The following NARS1 variants were observed in gnomAD, a reference collection of about 807,000 sequenced individuals.
NARS1 encodes asparagine--tRNA ligase, cytoplasmic.
NARS1 carries 65 observed loss-of-function variants against 79.2 expected under a neutral mutation model. The ratio of observed to expected loss-of-function variants is 0.82; its 90% CI spans 0.67 to 1.01. NARS1 has a LOEUF of 1.01. Ranked by LOEUF, NARS1 falls within the 50% of genes least tolerant of loss-of-function variation. The pLI is 0.00. For synonymous variants in NARS1, 229 were observed against 238.8 expected (o/e 0.96, Z 0.38); for missense variants, 649 against 673.8 (o/e 0.96, Z 0.41).
chr18:57,620,138 T>C (rs1908238608), intron 2 of NARS1, among the ~76,000 whole-genome samples: 1 of 152,148 alleles, frequency 6.6e-6, no homozygotes, highest in South Asian at 2.1e-4. Flanking sequence ...GAGTCAGCTC[T>C]GACAAATGAA....
In NARS1 at chr18:57,609,406, C is replaced by T. The variant is rs760380390; in HGVS notation, c.530G>A (p.Ser177Asn). Residue 177 changes from serine to asparagine, a missense_variant, in exon 7 of 14, where the codon AGC becomes AAC. Coordinates refer to ENST00000256854, the MANE Select transcript of NARS1 (RefSeq NM_004539.4). ...CYNGVLLSTE[S>N]SVAVYGMLNL... Reference sequence around the variant, plus strand: ...TAGCATTCCATACACTGCAACACTGCTCTCCGTGGACAAGAGAACTCCATT... The same window carrying T: ...TAGCATTCCATACACTGCAACACTGTTCTCCGTGGACAAGAGAACTCCATT... 1.2e-6 allele frequency: 2 copies of T among 1,614,006 alleles called. No individual in the cohort carries two copies. Among genetic ancestry groups the T allele is most frequent in the East Asian group, 2.2e-5 (1 of 44,858 alleles).
At chr18:57,606,061 T>C (rs1285736627) in intron 10 of NARS1, 91 bp from the exon 11 acceptor site, 1 of 841,386 alleles carries the variant, frequency 1.2e-6, no homozygotes, top group East Asian at 3.1e-5. Context: ...TATAAAGTAT[T>C]ACTTCAGTGA....
rs1029564481 is a variant in NARS1, at chr18:57,617,703, T to A, written c.94-1728A>T. Among the ~76,000 whole-genome samples the A allele has an allele frequency of 2.0e-5, 3 of 149,436 alleles. 1 individual carries two copies. The highest frequency in any genetic ancestry group is 4.4e-5 in the Non-Finnish European group (3 of 67,612). On this transcript the variant is annotated intron_variant, in intron 2 of 13. Coordinates refer to ENST00000256854, the MANE Select transcript of NARS1 (RefSeq NM_004539.4). ...AGGCCGAGGTGGGCGGATCATGAGG[T>A]CAGGAGTTCGAGACCAGCCTGGCCA... is the stretch of plus-strand genomic sequence containing the variant.
intron 2 of NARS1, among the ~76,000 whole-genome samples, chr18:57,619,403 A>C (rs1255278544): frequency 1.4e-5 from 2 of 146,996 alleles, no homozygotes; most frequent in Admixed American, 1.4e-4. Context: ...TAAGAAGTTA[A>C]ATTTTTTGTA....
intron 2 of NARS1, among the ~76,000 whole-genome samples, chr18:57,618,411 T>C (rs1251156668): frequency 6.6e-6 from 1 of 152,198 alleles, no homozygotes; most frequent in Non-Finnish European, 1.5e-5. Context: ...GATCCCTCCT[T>C]TTGTATCATT....
chr18:57,619,383 A>T (rs1022268158), intron 2 of NARS1, among the ~76,000 whole-genome samples: 1 of 146,094 alleles, frequency 6.8e-6, no homozygotes, highest in African/African-American at 2.5e-5. Context: ...TAAATTTATT[A>T]AAAAATTTTT....
chr18:57,609,661 A>G (rs1248711703), intron 6 of NARS1, among the ~76,000 whole-genome samples: 1 of 152,226 alleles, frequency 6.6e-6, no homozygotes, highest in Non-Finnish European at 1.5e-5. Flanking sequence ...ATATACATAT[A>G]CATGTAAATA....
chr18:57,601,951 T>C (rs1021581003), intron 13 of NARS1, among the ~76,000 whole-genome samples, 168 bp from the exon 14 acceptor site: 1 of 152,180 alleles, frequency 6.6e-6, no homozygotes, highest in Non-Finnish European at 1.5e-5. Flanking sequence ...TTAATCTCTA[T>C]GCCTTCATGA....
intron 12 of NARS1, 46 bp from the exon 13 acceptor site, chr18:57,602,532 C>A: frequency 1.2e-6 from 2 of 1,604,532 alleles, no homozygotes; most frequent in South Asian, 2.2e-5. Context: ...ATCAAGCGAT[C>A]AGACACAGCA....
At position 57,602,451 on chromosome 18, in the gene NARS1, C is replaced by G; in HGVS notation, c.1419G>C (p.Val473=). The G allele has an allele frequency of 3.1e-6, 5 of 1,613,846 alleles. No homozygotes were observed. The highest frequency in any genetic ancestry group is 4.2e-6 in the Non-Finnish European group (5 of 1,179,796). The part of the protein sequence containing the change: ...DVLMPNVGEI[V]GGSMRIFDSE... ...TATCAAAGATACGCATTGAGCCTCC[C>G]ACAATCTCACCAACATTGGGCATCA... The change falls in exon 13 of 14, where the codon GTG becomes GTC. Residue 473 remains valine, a synonymous_variant. Coordinates refer to ENST00000256854, the MANE Select transcript of NARS1 (RefSeq NM_004539.4).
intron 11 of NARS1, among the ~76,000 whole-genome samples, chr18:57,604,315 G>T (rs993423609): frequency 7.9e-5 from 12 of 152,214 alleles, no homozygotes; most frequent in Admixed American, 2.6e-4. Context: ...ACACTCGGGA[G>T]GCCGAGGTGA....
Position 57,606,665 on chromosome 18 carries a change from T to G in NARS1, c.1088A>C (p.Asp363Ala). The G allele has an allele frequency of 6.2e-7, 1 of 1,614,036 alleles. No homozygotes were observed. The highest frequency in any genetic ancestry group is 8.5e-7 in the Non-Finnish European group (1 of 1,179,974). The change falls in exon 10 of 14, where the codon GAT becomes GCT. Residue 363 changes from aspartate to alanine, a missense_variant. Asp to Ala is a moderately radical substitution (Grantham distance 126, BLOSUM62 -2). Coordinates refer to ENST00000256854, the MANE Select transcript of NARS1 (RefSeq NM_004539.4). ...CCCTGCAGGTGACTTCAATATTCGA[T>G]CTACCACATCACAAACCAAGTCCTC... is the stretch of plus-strand genomic sequence containing the variant. Reference protein sequence around the residue: ...RLEDLVCDVVDRILKSPAGSI... With the variant: ...RLEDLVCDVVARILKSPAGSI...
chr18:57,609,628 T>TATATAGACATATACATGTAA (rs1364460893), intron 6 of NARS1, among the ~76,000 whole-genome samples, 185 bp from the exon 7 acceptor site: 1 of 152,242 alleles, frequency 6.6e-6, no homozygotes, highest in African/African-American at 2.4e-5. Context: ...GGTTTATCTA[T>TATATAGACATATACATGTAA]ATATAGACAT....
intron 6 of NARS1, among the ~76,000 whole-genome samples, chr18:57,610,384 A>C (rs1006225895): frequency 4.6e-5 from 7 of 152,230 alleles, no homozygotes; most frequent in African/African-American, 1.4e-4. Context: ...AAGCAAGAGA[A>C]TCACTTGAAT....
intron 4 of NARS1, 49 bp downstream of exon 4, chr18:57,615,592 G>T (rs1291035171): frequency 2.3e-6 from 3 of 1,290,390 alleles, no homozygotes; most frequent in East Asian, 4.6e-5. Context: ...CAGAAATAAT[G>T]ATCTGATGTA....
chr18:57,613,495 A>G lies in NARS1; in HGVS notation c.421+107T>C, dbSNP rs553334584. On this transcript the variant is annotated intron_variant, in intron 5 of 13. Transcript: ENST00000256854. ...GCAACAAAGTGAGACTGTGTCTAAG[A>G]AAAAAAGGGGGAGAGAAAAAAACCC... 6 of 959,274 alleles carry G rather than the reference A, an allele frequency of 6.3e-6. No homozygotes were observed. The Admixed American group carries it at 7.6e-5, about 12-fold the overall frequency. The allele number at this position is 959,274 out of a possible 1,614,324, so 59.4% of individuals were successfully genotyped here.
chr18:57,605,259 G>T (rs1330804722), intron 11 of NARS1, among the ~76,000 whole-genome samples: 1 of 151,816 alleles, frequency 6.6e-6, no homozygotes, highest in East Asian at 1.9e-4. Flanking sequence ...TGTGGCCAAG[G>T]AAGAACAATG....
intron 1 of NARS1, 63 bp from the exon 2 acceptor site, chr18:57,620,714 TA>T: frequency 1.1e-6 from 1 of 925,078 alleles, no homozygotes; most frequent in Non-Finnish European, 1.7e-6. Flanking sequence ...CTTACTACTT[TA>T]TTCATTCCTT....
intron 11 of NARS1, 149 bp downstream of exon 11, chr18:57,605,708 G>A (rs774469362): frequency 3.5e-5 from 21 of 595,580 alleles, no homozygotes; most frequent in African/African-American, 1.5e-4. Flanking sequence ...TTAACTCAGC[G>A]AATCTGCAGG....
Sources: gnomAD v4.1 joint callset for allele counts (sites outside exome capture counted in the v4.1 genomes callset) on GRCh38, gnomAD v4.1.1 for gene constraint, MANE v1.5 for transcripts, NCBI Gene and HGNC (gene_info 2026-07-23, HGNC 2026-07-21) for gene names.